The following KIF5C variants were observed in gnomAD, a reference collection of about 807,000 sequenced individuals.
KIF5C encodes kinesin heavy chain isoform 5C.
In KIF5C, 18 loss-of-function variants were observed where a neutral mutation model predicts 125.2. The observed-to-expected ratio is 0.14, with a 90% CI of 0.10 to 0.21. KIF5C has a LOEUF of 0.21. Ranked by LOEUF, KIF5C falls within the 10% of genes least tolerant of loss-of-function variation. The probability of loss-of-function intolerance (pLI) is 1.00; values close to 1 mark genes in which losing one functional copy is unlikely to be tolerated. For synonymous variants in KIF5C, 405 were observed against 434.0 expected (o/e 0.93, Z 0.83); for missense variants, 780 against 1,183.8 (o/e 0.66, Z 5.01).
intron 23 of KIF5C, among the ~76,000 whole-genome samples, chr2:149,008,870 T>G (rs1299719600): frequency 6.6e-6 from 1 of 152,136 alleles, no homozygotes; most frequent in East Asian, 1.9e-4. Flanking sequence ...TCTAGATAGT[T>G]GAAGTCACTC....
At chr2:149,018,026 C>A (rs1452586608) in intron 25 of KIF5C, among the ~76,000 whole-genome samples, 2 of 152,174 alleles carry the variant, frequency 1.3e-5, no homozygotes, top group East Asian at 3.8e-4. Context: ...AATTCTTTCA[C>A]TCCTGTACTC....
chr2:148,911,410 A>G (rs1439300553), intron 1 of KIF5C, among the ~76,000 whole-genome samples: 3 of 152,128 alleles, frequency 2.0e-5, no homozygotes, highest in African/African-American at 4.8e-5. Flanking sequence ...GCACAATTCT[A>G]CCCTTGTGAA....
At chr2:149,005,060 C>G (rs1005266420) in intron 21 of KIF5C, among the ~76,000 whole-genome samples, 1 of 152,234 alleles carries the variant, frequency 6.6e-6, no homozygotes, top group African/African-American at 2.4e-5. Context: ...GGAATTCACC[C>G]TGATACAACA....
intron 4 of KIF5C, among the ~76,000 whole-genome samples, chr2:148,938,863 A>G (rs1406807368): frequency 6.6e-6 from 1 of 151,974 alleles, no homozygotes; most frequent in African/African-American, 2.4e-5. Context: ...AGGCGGGCAG[A>G]TTGCCTGAGG....
chr2:148,895,891 G>A (rs978763567), intron 1 of KIF5C, among the ~76,000 whole-genome samples: 1 of 151,060 alleles, frequency 6.6e-6, no homozygotes, highest in African/African-American at 2.4e-5. Flanking sequence ...GAGATCTGGT[G>A]TCTCTTCCTC....
intron 10 of KIF5C, among the ~76,000 whole-genome samples, chr2:148,958,105 G>GA (rs1682842198): frequency 1.3e-5 from 2 of 152,078 alleles, no homozygotes; most frequent in African/African-American, 4.8e-5. Flanking sequence ...TTCTATTGTT[G>GA]ATGGATATTT....
At chr2:148,903,714 C>T (rs926304248) in intron 1 of KIF5C, among the ~76,000 whole-genome samples, 2 of 152,188 alleles carry the variant, frequency 1.3e-5, no homozygotes, top group African/African-American at 4.8e-5. Context: ...CTCACCTGAG[C>T]TCAGAGAGCT....
chr2:148,877,862 T>C (rs1248167929), intron 1 of KIF5C: 1 of 152,176 alleles, frequency 6.6e-6, no homozygotes, highest in African/African-American at 2.4e-5. Flanking sequence ...ATTTTAGAAT[T>C]ATCCTTCTTT....
chr2:148,976,245 T>TTTTTATTTA (rs1553468292), intron 12 of KIF5C, among the ~76,000 whole-genome samples: 1 of 143,876 alleles, frequency 7.0e-6, no homozygotes, highest in Non-Finnish European at 1.5e-5. Flanking sequence ...TATTATTTTG[T>TTTTTATTTA]TTTATTTATT....
Position 149,005,439 on chromosome 2 carries a change from A to G in KIF5C, c.2420A>G (p.Gln807Arg). 1 of 1,613,926 alleles carries G rather than the reference A, an allele frequency of 6.2e-7. No homozygotes were observed. Among genetic ancestry groups the G allele is most frequent in the South Asian group, 1.1e-5 (1 of 91,002 alleles). The change falls in exon 22 of 26, where the codon CAG (glutamine) becomes CGG (arginine). Residue 807 changes from glutamine to arginine, a missense_variant. Coordinates refer to ENST00000435030, the MANE Select transcript of KIF5C (RefSeq NM_004522.3). ...TLHNLRKLFV[Q>R]DLTTRVKKSV... The stretch of plus-strand genomic sequence containing the variant: ...CACAACCTTCGGAAACTCTTTGTCC[A>G]GGATCTGACCACCCGAGTTAAAAAA...
rs890444200 is a variant in KIF5C, at chr2:148,881,575, G to C, written c.126+5832G>C. Among the ~76,000 whole-genome samples, 3 of 151,832 alleles carry C rather than the reference G, an allele frequency of 2.0e-5. 1 individual carries two copies. Among genetic ancestry groups the C allele is most frequent in the African/African-American group, 7.3e-5 (3 of 41,288 alleles). On this transcript the variant is annotated intron_variant, in intron 1 of 25. Coordinates refer to ENST00000435030, the MANE Select transcript of KIF5C (RefSeq NM_004522.3). ...TTTCTGCATTTCTGTAAATAACTTG[G>C]GTATCACTGGAGACTTCCCTCTGCC...
At chr2:148,875,791 G>A (rs1351529692) in intron 1 of KIF5C, 48 bp downstream of exon 1, 2 of 1,567,624 alleles carry the variant, frequency 1.3e-6, no homozygotes, top group African/African-American at 2.7e-5. Context: ...CGCCGCAGCT[G>A]GGCGCCCCGA....
At chr2:148,916,397 G>A (rs1428338571) in intron 1 of KIF5C, among the ~76,000 whole-genome samples, 1 of 152,182 alleles carries the variant, frequency 6.6e-6, no homozygotes, top group African/African-American at 2.4e-5. Flanking sequence ...TTTTTCTGGG[G>A]CTCTTGGAAA....
At chr2:148,971,748 C>T (rs1240416258) in intron 11 of KIF5C, among the ~76,000 whole-genome samples, 1 of 151,944 alleles carries the variant, frequency 6.6e-6, no homozygotes, top group Non-Finnish European at 1.5e-5. Context: ...ACACGGAGGC[C>T]CCATGTAGTA....
In KIF5C at chr2:149,005,747, A is replaced by G. The variant is rs4667372; in HGVS notation, c.2445+283A>G. Among the ~76,000 whole-genome samples, 104,063 of 152,094 alleles carry G rather than the reference A, an allele frequency of 0.68. 36,297 individuals are homozygous for G. Among genetic ancestry groups the G allele is most frequent in the African/African-American group, 0.8 (33,046 of 41,496 alleles). ...TTTCTGGCCCCCACTGTGTGAGGGCAACTGCTCTTGACACAGAAACATTTA... is the reference window on the plus strand; with the variant it reads ...TTTCTGGCCCCCACTGTGTGAGGGCGACTGCTCTTGACACAGAAACATTTA... On this transcript the variant is annotated intron_variant, in intron 22 of 25. Transcript: ENST00000435030.
chr2:148,939,657 A>C (rs540141118), intron 4 of KIF5C, among the ~76,000 whole-genome samples: 2 of 152,350 alleles, frequency 1.3e-5, no homozygotes, highest in East Asian at 1.9e-4. Flanking sequence ...TTGCATTTGT[A>C]CTTATGCTTA....
intron 3 of KIF5C, among the ~76,000 whole-genome samples, chr2:148,933,275 C>T (rs1043548624): frequency 2.6e-5 from 4 of 152,048 alleles, no homozygotes; most frequent in African/African-American, 9.7e-5. Context: ...CATTTCTAGT[C>T]TCTGAATTTC....
At chr2:148,939,122 G>T (rs1682353499) in intron 4 of KIF5C, among the ~76,000 whole-genome samples, 1 of 149,246 alleles carries the variant, frequency 6.7e-6, no homozygotes. Context: ...AAGACGCAGA[G>T]TTACAAGGCC....
intron 25 of KIF5C, among the ~76,000 whole-genome samples, chr2:149,014,172 G>A (rs957776263): frequency 6.6e-6 from 1 of 152,144 alleles, no homozygotes; most frequent in African/African-American, 2.4e-5. Flanking sequence ...TTACAGGCAT[G>A]TGCCACCATG....
Sources: allele counts gnomAD v4.1 joint callset (sites outside exome capture counted in the v4.1 genomes callset), GRCh38; gene constraint gnomAD v4.1.1; transcripts MANE v1.5; gene names NCBI Gene and HGNC (gene_info 2026-07-23, HGNC 2026-07-21).